ERC2: variants seen among roughly 807,000 people sequenced by gnomAD.
ERC2 encodes the protein ELKS/RAB6-interacting/CAST family member 2, also known as ERC protein 2.
ERC2 carries 42 observed loss-of-function variants against 114.8 expected under a neutral mutation model. The observed-to-expected ratio is 0.37, with a 90% CI of 0.29 to 0.47. The LOEUF (loss-of-function observed/expected upper bound fraction) is 0.47. Ranked by LOEUF, ERC2 falls within the 20% of genes least tolerant of loss-of-function variation. The probability of loss-of-function intolerance (pLI) is 0.99; values close to 1 mark genes in which losing one functional copy is unlikely to be tolerated. For missense variants in ERC2, 939 were observed against 1,150.7 expected, an observed-to-expected ratio of 0.82 and a Z score of 2.66; for synonymous variants, 454 against 425.5, an observed-to-expected ratio of 1.07 and a Z score of -0.82.
chr3:56,213,702 C>T (rs1560388129), intron 3 of ERC2, among the ~76,000 whole-genome samples: 1 of 152,212 alleles, frequency 6.6e-6, no homozygotes, highest in Non-Finnish European at 1.5e-5. Context: ...CATCTGAGAA[C>T]AGACAGACTG....
intron 14 of ERC2, among the ~76,000 whole-genome samples, chr3:55,759,060 A>T (rs1362435037): frequency 1.3e-5 from 2 of 152,030 alleles, no homozygotes; most frequent in Non-Finnish European, 2.9e-5. Flanking sequence ...ATAAATTTTT[A>T]CTCCTTGACA....
At chr3:56,090,924 A>T (rs1215990378) in intron 6 of ERC2, among the ~76,000 whole-genome samples, 2 of 152,158 alleles carry the variant, frequency 1.3e-5, no homozygotes, top group Non-Finnish European at 2.9e-5. Flanking sequence ...CACTAAAACA[A>T]ATCTACTTTC....
intron 3 of ERC2, among the ~76,000 whole-genome samples, chr3:56,188,738 A>C (rs2083793693): frequency 6.6e-6 from 1 of 152,226 alleles, no homozygotes; most frequent in Non-Finnish European, 1.5e-5. Context: ...TCTCTCTCCC[A>C]GCCTAAATCT....
At chr3:56,244,876 A>C (rs914302636) in intron 3 of ERC2, among the ~76,000 whole-genome samples, 49 of 152,300 alleles carry the variant, frequency 3.2e-4, no homozygotes, top group African/African-American at 1.1e-3. Context: ...TAGGTGGCCT[A>C]CATGGTTCTC....
chr3:55,839,337 G>A (rs2061030904), intron 14 of ERC2, among the ~76,000 whole-genome samples: 1 of 151,738 alleles, frequency 6.6e-6, no homozygotes, highest in South Asian at 2.1e-4. Flanking sequence ...AAATGTTAAA[G>A]TCTTTAAGCA....
intron 14 of ERC2, among the ~76,000 whole-genome samples, chr3:55,828,385 G>A (rs1218932216): frequency 6.6e-6 from 1 of 151,332 alleles, no homozygotes; most frequent in East Asian, 1.9e-4. Flanking sequence ...GAGGTCCAAA[G>A]AGTAGGGGAG....
intron 10 of ERC2, among the ~76,000 whole-genome samples, chr3:55,994,471 T>C (rs1007353195): frequency 6.6e-6 from 1 of 151,968 alleles, no homozygotes; most frequent in Non-Finnish European, 1.5e-5. Context: ...ATTAGGCAAA[T>C]TAATTAGCCT....
At chr3:55,959,492 T>C (rs1353588344) in intron 12 of ERC2, among the ~76,000 whole-genome samples, 2 of 152,178 alleles carry the variant, frequency 1.3e-5, no homozygotes, top group South Asian at 2.1e-4. Context: ...AAGATTGGCA[T>C]GAGCCCACAG....
chr3:56,431,216 G>T (rs1035971901), intron 2 of ERC2, among the ~76,000 whole-genome samples: 1 of 152,162 alleles, frequency 6.6e-6, no homozygotes, highest in African/African-American at 2.4e-5. Flanking sequence ...AATAGCAGAA[G>T]ATTGCTCCCC....
rs561029713 is a variant in ERC2, at chr3:56,406,111, G to A, written c.657+28240C>T. Among the ~76,000 whole-genome samples the A allele has an allele frequency of 5.6e-5, 8 of 143,846 alleles. No individual in the cohort carries two copies. In the East Asian group the frequency reaches 1.6e-3, roughly 29 times the overall value. The allele number at this position is 143,846 out of a possible 152,430, so 94.4% of individuals were successfully genotyped here. On this transcript the variant is annotated intron_variant, in intron 2 of 17. Coordinates refer to ENST00000288221, the MANE Select transcript of ERC2 (RefSeq NM_015576.3). ...TTGTGCCATGTCGGCCAGGCTTGTC[G>A]TGAACTCCTGGCCTCAAGTGATCTG...
rs2051989784 is a variant in ERC2, at chr3:55,510,268, A to C, written c.*1048T>G. 1 of 11,280 alleles carries C rather than the reference A, an allele frequency of 8.9e-5. No individual in the cohort carries two copies. The highest frequency in any genetic ancestry group is 1.8e-3 in the African/African-American group (1 of 556). 0.7% of individuals were successfully genotyped at this position (11,280 alleles called of 1,614,324 possible). On this transcript the variant is annotated 3_prime_UTR_variant, in exon 18 of 18. Transcript: ENST00000288221. ...CCATGTTGCAGACACATTTTCTTTA[A>C]AAAAAAAAAAAAAGAGAAATGACCC... is the stretch of plus-strand genomic sequence containing the variant.
chr3:56,386,120 T>C (rs1207935295), intron 2 of ERC2, among the ~76,000 whole-genome samples: 2 of 152,088 alleles, frequency 1.3e-5, no homozygotes, highest in East Asian at 3.9e-4. Context: ...TTCAGCTCTA[T>C]AAAAATTAGA....
intron 3 of ERC2, among the ~76,000 whole-genome samples, chr3:56,258,922 C>G (rs778753069): frequency 6.6e-6 from 1 of 152,070 alleles, no homozygotes; most frequent in Non-Finnish European, 1.5e-5. Flanking sequence ...CTTTCATTCA[C>G]CAGGTAGCTG....
At chr3:55,908,867 A>G (rs1002478113) in intron 13 of ERC2, among the ~76,000 whole-genome samples, 2 of 152,212 alleles carry the variant, frequency 1.3e-5, no homozygotes, top group African/African-American at 4.8e-5. Flanking sequence ...TTTTCTAGCC[A>G]TAGGGGACAA....
intron 7 of ERC2, among the ~76,000 whole-genome samples, chr3:56,032,919 G>GAAA (rs1235055035): frequency 1.2e-4 from 9 of 73,988 alleles, no homozygotes; most frequent in African/African-American, 3.9e-4. Flanking sequence ...AAGAAAGAAA[G>GAAA]AAAGAAAGAA....
At chr3:55,945,535 T>C (rs1469100399) in intron 13 of ERC2, among the ~76,000 whole-genome samples, 1 of 152,226 alleles carries the variant, frequency 6.6e-6, no homozygotes. Context: ...TAATGAACTA[T>C]ATGTTTTGCT....
chr3:56,227,327 G>C (rs2050311959), intron 3 of ERC2, among the ~76,000 whole-genome samples: 1 of 151,870 alleles, frequency 6.6e-6, no homozygotes, highest in Non-Finnish European at 1.5e-5. Flanking sequence ...CTAAAGCAAT[G>C]GGGAGTAAGG....
In ERC2 at chr3:55,776,180, ACCAAGTGAACTGGAATTAT is replaced by A. The variant is rs571734771; in HGVS notation, c.2565-41281_2565-41263del. Reference sequence around the variant, plus strand: ...GTTGTTGTTGAAAGTTTAGTAACTGACCAAGTGAACTGGAATTATAAAGGGCACACAAGCCACACGGGGC... The same window carrying A: ...GTTGTTGTTGAAAGTTTAGTAACTGAAAAGGGCACACAAGCCACACGGGGC... On this transcript the variant is annotated intron_variant, in intron 14 of 17. Coordinates refer to ENST00000288221, the MANE Select transcript of ERC2 (RefSeq NM_015576.3). Among the ~76,000 whole-genome samples, 704 of 133,784 alleles carry A rather than the reference ACCAAGTGAACTGGAATTAT, an allele frequency of 5.3e-3. 4 individuals carry two copies. Among genetic ancestry groups the A allele is most frequent in the African/African-American group, 0.021 (664 of 31,680 alleles). The allele number at this position is 133,784 out of a possible 152,430, so 87.8% of individuals were successfully genotyped here.
intron 14 of ERC2, among the ~76,000 whole-genome samples, chr3:55,787,272 T>G (rs934376752): frequency 6.6e-6 from 1 of 151,844 alleles, no homozygotes; most frequent in Non-Finnish European, 1.5e-5. Context: ...AAAAATTAGC[T>G]GGGTGTGGTG....
Sources: allele counts gnomAD v4.1 joint callset (sites outside exome capture counted in the v4.1 genomes callset), GRCh38; gene constraint gnomAD v4.1.1; transcripts MANE v1.5; gene names NCBI Gene and HGNC (gene_info 2026-07-23, HGNC 2026-07-21).